KCNK4: variants seen among roughly 807,000 people sequenced by gnomAD.
The protein encoded by KCNK4 is potassium two pore domain channel subfamily K member 4.
A neutral mutation model predicts 28.8 loss-of-function variants in KCNK4; 22 were observed. The observed-to-expected ratio is 0.76, with a 90% CI of 0.55 to 1.09. KCNK4 has a LOEUF of 1.09. KCNK4 is among the 50% of genes least tolerant of loss of function. The pLI is 0.00. For missense variants in KCNK4, 483 were observed against 546.3 expected, an observed-to-expected ratio of 0.88 and a Z score of 1.15; for synonymous variants, 263 against 252.9, an observed-to-expected ratio of 1.04 and a Z score of -0.38.
At chr11:64,295,960 T>G (rs2034754772) in intron 2 of KCNK4, 1 of 152,046 alleles carries the variant, frequency 6.6e-6, no homozygotes, top group Non-Finnish European at 1.5e-5. Flanking sequence ...AAATAGTCCC[T>G]GCCCATGGGA....
At chr11:64,298,352 C>T in intron 6 of KCNK4, 103 bp downstream of exon 6, 1 of 1,442,556 alleles carries the variant, frequency 6.9e-7, no homozygotes, top group East Asian at 2.3e-5. Flanking sequence ...GGCGTGGGCT[C>T]CTGAGGCAGG....
chr11:64,299,753 A>G lies in KCNK4; in HGVS notation c.*27A>G. On this transcript the variant is annotated 3_prime_UTR_variant, in exon 7 of 7. Transcript: ENST00000422670. ...GGCAGGATCCCTGGCCGGGCCTCTC[A>G]AGGGCTTCGTTTCTGCTCTCCCCGG... 6.5e-7 allele frequency: 1 copy of G among 1,542,128 alleles called. No homozygotes were observed. Among genetic ancestry groups the G allele is most frequent in the Non-Finnish European group, 8.7e-7 (1 of 1,149,618 alleles).
Position 64,299,596 on chromosome 11 carries a change from C to A in KCNK4, c.1052C>A (p.Ser351Ter). The A allele has an allele frequency of 1.9e-6, 3 of 1,610,164 alleles. No individual in the cohort carries two copies. The highest frequency in any genetic ancestry group is 2.5e-6 in the Non-Finnish European group (3 of 1,178,798). Reference sequence around the variant, plus strand: ...AACCTGGCCTTCATCGACGAGTCCTCGGATACGCAGAGCGAGCGCGGCTGC... The same window carrying A: ...AACCTGGCCTTCATCGACGAGTCCTAGGATACGCAGAGCGAGCGCGGCTGC... ...SENLAFIDES[S>*]DTQSERGCPL... The change falls in exon 7 of 7, where the codon TCG becomes TAG. Residue 351 changes from serine (S) to a stop codon, truncating the protein, a stop_gained. Transcript: ENST00000422670. LOFTEE classifies it high-confidence loss of function.
rs1312711129 is a variant in KCNK4, at chr11:64,298,133, C to T, written c.685C>T (p.Pro229Ser). 4 of 1,613,830 alleles carry T rather than the reference C, an allele frequency of 2.5e-6. No homozygotes were observed. Among genetic ancestry groups the T allele is most frequent in the Non-Finnish European group, 3.4e-6 (4 of 1,179,990 alleles). The change falls in exon 6 of 7, where the codon CCG becomes TCG. Residue 229 changes from proline (P) to serine (S), a missense_variant. Pro to Ser is a moderately conservative substitution (Grantham distance 74). Transcript: ENST00000422670. ...VAGADPRQDS[P>S]AYQPLVWFWI... ...AGGCGCGGACCCCAGGCAGGACTCC[C>T]CGGCCTATCAGCCGCTGGTGTGGTT...
Position 64,297,176 on chromosome 11 carries a change from C to A in KCNK4, c.371C>A (p.Ala124Glu). The change falls in exon 4 of 7, where the codon GCG becomes GAG. Residue 124 changes from alanine to glutamate, a missense_variant. Ala to Glu is a moderately radical substitution (Grantham distance 107, BLOSUM62 -1). Coordinates refer to ENST00000422670, the MANE Select transcript of KCNK4 (RefSeq NM_033310.3). Reference protein sequence around the residue: ...DAGRLFCIFYALVGIPLFGIL... With the variant: ...DAGRLFCIFYELVGIPLFGIL... ...GGGCGCCTCTTCTGCATCTTTTATG[C>A]GCTGGTGGGGATTCCGCTGTTTGGG... 3 of 1,614,148 alleles carry A rather than the reference C, an allele frequency of 1.9e-6. 1 individual carries two copies. Among genetic ancestry groups the A allele is most frequent in the South Asian group, 2.2e-5 (2 of 91,088 alleles).
At chr11:64,294,440 C>T (rs1473380965) in intron 2 of KCNK4, among the ~76,000 whole-genome samples, 1 of 149,916 alleles carries the variant, frequency 6.7e-6, no homozygotes, top group Admixed American at 6.7e-5. Context: ...ATCGCTTGAA[C>T]CCAGGAGGCA....
intron 2 of KCNK4, among the ~76,000 whole-genome samples, chr11:64,295,590 T>A (rs2034743925): frequency 6.6e-6 from 1 of 151,802 alleles, no homozygotes; most frequent in South Asian, 2.1e-4. Flanking sequence ...TTCTTGCTTT[T>A]ATTAACAGTT....
chr11:64,294,004 G>A (rs889506834), intron 2 of KCNK4, among the ~76,000 whole-genome samples: 4 of 152,082 alleles, frequency 2.6e-5, no homozygotes, highest in Non-Finnish European at 5.9e-5. Flanking sequence ...GGAGTCATGT[G>A]CCTTAGAAAA....
At chr11:64,293,338 G>A in intron 2 of KCNK4, 131 bp downstream of exon 2, 1 of 1,023,140 alleles carries the variant, frequency 9.8e-7, no homozygotes, top group South Asian at 2.4e-5. Context: ...GGGAGGCTGT[G>A]GGACAGAGGC....
In KCNK4 at chr11:64,291,303, G is replaced by C. The variant is rs1269509228; in HGVS notation, c.-341G>C. 1 of 152,414 alleles carries C rather than the reference G, an allele frequency of 6.6e-6. No individual in the cohort carries two copies. Among genetic ancestry groups the C allele is most frequent in the Non-Finnish European group, 1.5e-5 (1 of 68,190 alleles). The allele number at this position is 152,414 out of a possible 1,614,324, so 9.4% of individuals were successfully genotyped here. The stretch of plus-strand genomic sequence containing the variant: ...GTCCCGCGGAGCCCCTCCCTCATGA[G>C]TGCTGAGCCCAAGGGCCAGGCTGTC... On this transcript the variant is annotated 5_prime_UTR_variant, in exon 1 of 7. Transcript: ENST00000422670.
At chr11:64,299,296 C>G in intron 6 of KCNK4, 50 bp from the exon 7 acceptor site, 1 of 1,425,666 alleles carries the variant, frequency 7.0e-7, no homozygotes, top group Non-Finnish European at 9.2e-7. Flanking sequence ...CGGGGGGTCG[C>G]GGAGGGGGTC....
At chr11:64,299,207 C>T in intron 6 of KCNK4, 139 bp from the exon 7 acceptor site, 2 of 793,876 alleles carry the variant, frequency 2.5e-6, no homozygotes, top group Non-Finnish European at 3.7e-6. Context: ...CCCTTCCATC[C>T]TTGGGGCTGG....
chr11:64,292,031 C>G, intron 1 of KCNK4: 1 of 1,164,978 alleles, frequency 8.6e-7, no homozygotes, highest in Non-Finnish European at 1.1e-6. Context: ...TGTCCACACA[C>G]GTGTGCGTGG....
intron 2 of KCNK4, among the ~76,000 whole-genome samples, chr11:64,294,302 G>A (rs910979678): frequency 1.3e-5 from 2 of 152,084 alleles, no homozygotes; most frequent in Admixed American, 6.6e-5. Flanking sequence ...TGGATCACCT[G>A]AGGTCAGGAG....
chr11:64,299,675 C>G lies in KCNK4; in HGVS notation c.1131C>G (p.Pro377=), dbSNP rs1391631445. 1.9e-6 allele frequency: 3 copies of G among 1,595,084 alleles called. No homozygotes were observed. The highest frequency in any genetic ancestry group is 1.7e-6 in the Non-Finnish European group (2 of 1,172,114). The change falls in exon 7 of 7, where the codon CCC becomes CCG. Residue 377 remains proline (P), a synonymous_variant. Transcript: ENST00000422670. ...GRRRPNPPRK[P]VRPRGPGRPR... is the part of the protein sequence containing the mutation. ...GCCGCCCAAATCCCCCCAGGAAGCC[C>G]GTGCGGCCCCGCGGCCCCGGGCGTC...
rs2034818619 is a variant in KCNK4 at position 64,298,007 on chromosome 11, G to GTGTGT, written c.662-103_662-102insTGTGT. The GTGTGT allele has an allele frequency of 5.2e-6, 7 of 1,348,506 alleles. No individual in the cohort carries two copies. The East Asian group carries it at 1.5e-4, about 28-fold the overall frequency. The allele number at this position is 1,348,506 out of a possible 1,614,324, so 83.5% of individuals were successfully genotyped here. On this transcript the variant is annotated intron_variant, in intron 5 of 6. Coordinates refer to ENST00000422670, the MANE Select transcript of KCNK4 (RefSeq NM_033310.3). Reference sequence around the variant, plus strand: ...CTCAAGCACATACCCATTGCCCTAGGGAGGGCAGGTCCTCTCCAGGAACTG... The same window carrying GTGTGT: ...CTCAAGCACATACCCATTGCCCTAGGTGTGTGAGGGCAGGTCCTCTCCAGGAACTG...
At position 64,296,866 on chromosome 11, in the gene KCNK4, C is replaced by T. The variant is rs2034776855; in HGVS notation, c.190-12C>T. On this transcript the variant is annotated splice_polypyrimidine_tract_variant and intron_variant, in intron 2 of 6. Transcript: ENST00000422670. ...AGAACTGAAGCTCCTCCTTCTGCACCTTGTCCTGCAGGAGGTGGCTGATGC... is the reference window on the plus strand; with the variant it reads ...AGAACTGAAGCTCCTCCTTCTGCACTTTGTCCTGCAGGAGGTGGCTGATGC... 2 of 1,508,276 alleles carry T rather than the reference C, an allele frequency of 1.3e-6. No homozygotes were observed. The highest frequency in any genetic ancestry group is 1.8e-6 in the Non-Finnish European group (2 of 1,130,250). 93.4% of individuals were successfully genotyped at this position (1,508,276 alleles called of 1,614,324 possible). A position where few individuals can be genotyped will look rare whatever the true frequency, so the allele number is the denominator to read the frequency against.
At chr11:64,299,200 T>C (rs2034857740) in intron 6 of KCNK4, 146 bp from the exon 7 acceptor site, 3 of 723,740 alleles carry the variant, frequency 4.1e-6, no homozygotes. Flanking sequence ...GGAGGAGCCC[T>C]TCCATCCTTG....
rs1184899720 is a variant in KCNK4 at position 64,299,904 on chromosome 11, C to A, written c.*178C>A. ...TCCCTCACTTCCATCCATCTCTAGA[C>A]CCCCCCAAGGCTTTCTGTGTCGCTG... On this transcript the variant is annotated 3_prime_UTR_variant, in exon 7 of 7. Transcript: ENST00000422670. The A allele has an allele frequency of 3.2e-6, 4 of 1,245,610 alleles. No homozygotes were observed. Among genetic ancestry groups the A allele is most frequent in the South Asian group, 1.4e-5 (1 of 73,756 alleles). 77.2% of individuals were successfully genotyped at this position (1,245,610 alleles called of 1,614,324 possible).
Sources: allele counts gnomAD v4.1 joint callset (sites outside exome capture counted in the v4.1 genomes callset), GRCh38; gene constraint gnomAD v4.1.1; transcripts MANE v1.5; gene names NCBI Gene and HGNC (gene_info 2026-07-23, HGNC 2026-07-21).